The following PRDM5 variants were observed in gnomAD, a reference collection of about 807,000 sequenced individuals.
PRDM5 encodes PR domain zinc finger protein 5.
A neutral mutation model predicts 81.2 loss-of-function variants in PRDM5; 56 were observed. That is an observed-to-expected ratio of 0.69 (90% CI 0.56 to 0.86). The LOEUF (loss-of-function observed/expected upper bound fraction) is 0.86. Among genes scored for constraint, PRDM5 ranks in the 40% least tolerant of loss-of-function variants. The probability of loss-of-function intolerance (pLI) is 0.00; values close to 1 mark genes in which losing one functional copy is unlikely to be tolerated. For missense variants in PRDM5, 697 were observed against 770.1 expected (o/e 0.91, Z 1.12); for synonymous variants, 267 against 256.4 (o/e 1.04, Z -0.39).
chr4:120,881,247 A>G (rs1351703118), intron 2 of PRDM5, among the ~76,000 whole-genome samples: 2 of 152,202 alleles, frequency 1.3e-5, no homozygotes, highest in Non-Finnish European at 2.9e-5. Flanking sequence ...TTATTTCTCA[A>G]GAAAATCTTC....
chr4:120,900,357 CA>C (rs1266921817), intron 2 of PRDM5, among the ~76,000 whole-genome samples: 1 of 151,946 alleles, frequency 6.6e-6, no homozygotes, highest in Admixed American at 6.5e-5. Flanking sequence ...CATTAGCAAA[CA>C]AAAAACACTC....
chr4:120,698,919 G>A (rs534403945), intron 15 of PRDM5, among the ~76,000 whole-genome samples: 19 of 151,798 alleles, frequency 1.3e-4, no homozygotes, highest in Non-Finnish European at 2.1e-4. Flanking sequence ...CTTTCACTAA[G>A]AAAATGTTTC....
intron 14 of PRDM5, among the ~76,000 whole-genome samples, chr4:120,748,502 C>G (rs1426219760): frequency 6.6e-6 from 1 of 151,922 alleles, no homozygotes; most frequent in African/African-American, 2.4e-5. Flanking sequence ...AACAGCCAGG[C>G]ATTGTGGTGC....
intron 3 of PRDM5, among the ~76,000 whole-genome samples, chr4:120,851,771 G>T (rs1424281284): frequency 1.3e-5 from 2 of 152,110 alleles, no homozygotes; most frequent in African/African-American, 4.8e-5. Context: ...TGCTACTGTT[G>T]ATTTTATATT....
intron 2 of PRDM5, among the ~76,000 whole-genome samples, chr4:120,868,653 C>T (rs1761461975): frequency 6.6e-6 from 1 of 152,064 alleles, no homozygotes; most frequent in South Asian, 2.1e-4. Context: ...AAAGAAAAAC[C>T]TGTTAATTTA....
At chr4:120,858,751 C>T (rs1373291860) in intron 2 of PRDM5, among the ~76,000 whole-genome samples, 1 of 152,138 alleles carries the variant, frequency 6.6e-6, no homozygotes, top group Non-Finnish European at 1.5e-5. Context: ...TTACAGATAA[C>T]TGTTTCTTTA....
intron 14 of PRDM5, among the ~76,000 whole-genome samples, chr4:120,746,587 G>GA (rs1191674448): frequency 3.7e-5 from 5 of 133,392 alleles, no homozygotes; most frequent in African/African-American, 1.3e-4. Context: ...AAATTTACAA[G>GA]AAAAAAACAA....
intron 7 of PRDM5, among the ~76,000 whole-genome samples, chr4:120,813,552 GCC>G (rs1754123005): frequency 6.6e-6 from 1 of 152,152 alleles, no homozygotes; most frequent in South Asian, 2.1e-4. Context: ...TATTCAAGAT[GCC>G]TATTCCATTT....
At chr4:120,853,293 C>A (rs142657032) in intron 3 of PRDM5, 125 bp downstream of exon 3, 1 of 1,430,660 alleles carries the variant, frequency 7.0e-7, no homozygotes, top group African/African-American at 1.4e-5. Flanking sequence ...GATTTCTCTG[C>A]TTTTATGAGT....
At chr4:120,867,955 A>T (rs1463858551) in intron 2 of PRDM5, among the ~76,000 whole-genome samples, 1 of 152,242 alleles carries the variant, frequency 6.6e-6, no homozygotes, top group Non-Finnish European at 1.5e-5. Context: ...TGGGAACAAC[A>T]TTGGGCGCTG....
intron 3 of PRDM5, among the ~76,000 whole-genome samples, 197 bp downstream of exon 3, chr4:120,853,221 T>A (rs1160728679): frequency 2.0e-5 from 3 of 152,182 alleles, no homozygotes; most frequent in Non-Finnish European, 4.4e-5. Context: ...TCTCATAAAG[T>A]AAGTACCCTG....
chr4:120,798,418 C>T lies in PRDM5; in HGVS notation c.1037G>A (p.Arg346Gln), dbSNP rs1305838798. Residue 346 changes from arginine (R) to glutamine (Q), a missense_variant, in exon 10 of 16, where the codon CGA becomes CAA. Physicochemically the swap from Arg to Gln is conservative, Grantham distance 43. Coordinates refer to ENST00000264808, the MANE Select transcript of PRDM5 (RefSeq NM_018699.4). ...KRHMITHSEK[R>Q]PYNCEICNKS... ...ATTACAAATCTCGCAATTATAGGGT[C>T]GTTTTTCTATTAAAAAAATGAGTGG... The T allele has an allele frequency of 1.2e-6, 2 of 1,601,812 alleles. No individual in the cohort carries two copies. The highest frequency in any genetic ancestry group is 1.3e-5 in the African/African-American group (1 of 74,348).
intron 15 of PRDM5, among the ~76,000 whole-genome samples, chr4:120,696,197 G>A (rs1734500718): frequency 6.6e-6 from 1 of 152,116 alleles, no homozygotes; most frequent in Non-Finnish European, 1.5e-5. Context: ...TGACACAGAA[G>A]TAGCAGCATA....
chr4:120,702,676 T>A (rs972413048), intron 15 of PRDM5, among the ~76,000 whole-genome samples: 1 of 152,210 alleles, frequency 6.6e-6, no homozygotes, highest in African/African-American at 2.4e-5. Flanking sequence ...GACTGCAGAA[T>A]AATCCTGGAG....
At chr4:120,720,784 A>G (rs1738490166) in intron 14 of PRDM5, among the ~76,000 whole-genome samples, 1 of 152,246 alleles carries the variant, frequency 6.6e-6, no homozygotes, top group Non-Finnish European at 1.5e-5. Context: ...GCATCTAAAA[A>G]TTATAACTCT....
chr4:120,705,862 T>G lies in PRDM5; in HGVS notation c.1728+4447A>C, dbSNP rs542861893. Among the ~76,000 whole-genome samples, 8 of 152,236 alleles carry G rather than the reference T, an allele frequency of 5.3e-5. No individual in the cohort carries two copies. In the South Asian group the frequency reaches 1.5e-3, roughly 28 times the overall value. On this transcript the variant is annotated intron_variant, in intron 15 of 15. Transcript: ENST00000264808. ...AGACTGAGATAAAGCTGTGGAGTTA[T>G]GAGAAACGTTCAGACTCTGAACTTA...
At chr4:120,837,363 T>C (rs1437711454) in intron 3 of PRDM5, 1 of 152,218 alleles carries the variant, frequency 6.6e-6, no homozygotes, top group Admixed American at 6.5e-5. Flanking sequence ...ACTGACTTTC[T>C]AGAAGTAAAA....
At chr4:120,872,348 G>A (rs980350034) in intron 2 of PRDM5, among the ~76,000 whole-genome samples, 26 of 151,898 alleles carry the variant, frequency 1.7e-4, no homozygotes, top group African/African-American at 4.8e-4. Context: ...ATATACACAC[G>A]AGGGATTACT....
chr4:120,882,749 T>C (rs1218490259), intron 2 of PRDM5, among the ~76,000 whole-genome samples: 1 of 152,228 alleles, frequency 6.6e-6, no homozygotes, highest in African/African-American at 2.4e-5. Flanking sequence ...GTTACATTCG[T>C]GTGTAGAAAA....
Sources: allele counts gnomAD v4.1 joint callset (sites outside exome capture counted in the v4.1 genomes callset), GRCh38; gene constraint gnomAD v4.1.1; transcripts MANE v1.5; gene names NCBI Gene and HGNC (gene_info 2026-07-23, HGNC 2026-07-21).